NELL1: variants seen among roughly 807,000 people sequenced by gnomAD.
NELL1 encodes neural EGFL like 1.
Under a neutral mutation model 107.4 loss-of-function variants are expected in NELL1, and 76 were observed. The observed-to-expected ratio is 0.71, with a 90% CI of 0.59 to 0.86. The LOEUF (loss-of-function observed/expected upper bound fraction) is 0.86, where lower values mean the gene tolerates loss of function less well. NELL1 is among the 40% of genes least tolerant of loss of function. NELL1 has a pLI of 0.00. For missense variants in NELL1, 1,024 were observed against 1,005.5 expected (o/e 1.02, Z -0.25); for synonymous variants, 353 against 341.2 (o/e 1.03, Z -0.38).
At position 21,190,081 on chromosome 11, in the gene NELL1, G is replaced by A. The variant is rs139704475; in HGVS notation, c.1427-39251G>A. Among the ~76,000 whole-genome samples, 892 of 151,834 alleles carry A rather than the reference G, an allele frequency of 5.9e-3. 30 individuals are homozygous for A. The highest frequency in any genetic ancestry group is 0.043 in the Admixed American group (653 of 15,242). On this transcript the variant is annotated intron_variant, in intron 13 of 19. Coordinates refer to ENST00000357134, the MANE Select transcript of NELL1 (RefSeq NM_006157.5). ...TTAAGAAAAGATGCAGGCAGGGTGC[G>A]GTGGCTCATGCCTGTAATCCCAGCA...
At chr11:21,295,450 C>A (rs895776083) in intron 14 of NELL1, among the ~76,000 whole-genome samples, 4 of 151,682 alleles carry the variant, frequency 2.6e-5, no homozygotes, top group Non-Finnish European at 4.4e-5. Context: ...TAATGACAGA[C>A]AAAAAGAGAG....
At chr11:20,933,059 T>C (rs903603295) in intron 9 of NELL1, among the ~76,000 whole-genome samples, 2 of 152,132 alleles carry the variant, frequency 1.3e-5, no homozygotes, top group African/African-American at 4.8e-5. Context: ...TAAACCAGTG[T>C]TGGTTTTGGT....
At chr11:20,757,799 T>G (rs1345323971) in intron 2 of NELL1, among the ~76,000 whole-genome samples, 2 of 152,224 alleles carry the variant, frequency 1.3e-5, no homozygotes, top group East Asian at 3.9e-4. Context: ...TGTTCTCCTT[T>G]TTTTGCAATT....
chr11:21,491,744 G>T (rs1564921711), intron 15 of NELL1, among the ~76,000 whole-genome samples: 1 of 152,054 alleles, frequency 6.6e-6, no homozygotes, highest in African/African-American at 2.4e-5. Flanking sequence ...GAAAGTCATT[G>T]GTAGCTTGAT....
chr11:21,479,128 G>A (rs1854424934), intron 15 of NELL1, among the ~76,000 whole-genome samples: 1 of 152,062 alleles, frequency 6.6e-6, no homozygotes, highest in Admixed American at 6.6e-5. Flanking sequence ...AGAACAGTTT[G>A]GAAGCTCGTC....
intron 5 of NELL1, among the ~76,000 whole-genome samples, chr11:20,891,318 A>T (rs1849612529): frequency 6.6e-6 from 1 of 152,232 alleles, no homozygotes; most frequent in African/African-American, 2.4e-5. Context: ...ATGCTGAGGG[A>T]TTTTGTTACC....
At chr11:21,438,393 C>CT (rs1305917687) in intron 15 of NELL1, among the ~76,000 whole-genome samples, 1 of 152,022 alleles carries the variant, frequency 6.6e-6, no homozygotes, top group Non-Finnish European at 1.5e-5. Context: ...TTCGTTGCTA[C>CT]TTTTTTCTCT....
At chr11:21,132,829 C>G (rs939517968) in intron 13 of NELL1, among the ~76,000 whole-genome samples, 1 of 152,068 alleles carries the variant, frequency 6.6e-6, no homozygotes, top group South Asian at 2.1e-4. Context: ...ACCCTGTTTG[C>G]GTTGCTGCTC....
At chr11:20,908,457 A>T (rs1258408994) in intron 5 of NELL1, among the ~76,000 whole-genome samples, 2 of 152,192 alleles carry the variant, frequency 1.3e-5, no homozygotes, top group Non-Finnish European at 2.9e-5. Flanking sequence ...ACACAGAAGG[A>T]GAAAACCAAA....
chr11:21,358,565 A>ATTTTTT (rs75578174), intron 14 of NELL1, among the ~76,000 whole-genome samples: 6 of 97,676 alleles, frequency 6.1e-5, no homozygotes, highest in Non-Finnish European at 1.0e-4. Context: ...TGCCCTGATA[A>ATTTTTT]TTTTTTTTTT....
chr11:21,367,706 A>T (rs1035484985), intron 14 of NELL1, among the ~76,000 whole-genome samples: 1 of 151,968 alleles, frequency 6.6e-6, no homozygotes, highest in Non-Finnish European at 1.5e-5. Flanking sequence ...CCCCAGCATG[A>T]GTGTTATTAT....
chr11:20,901,561 ATTTTTT>A (rs11375119), intron 5 of NELL1, among the ~76,000 whole-genome samples: 1 of 147,276 alleles, frequency 6.8e-6, no homozygotes, highest in Admixed American at 6.8e-5. Flanking sequence ...TCCCAAGAGG[ATTTTTT>A]TTTTTTTCCT....
chr11:20,859,774 T>G (rs1050949322), intron 4 of NELL1, among the ~76,000 whole-genome samples: 33 of 147,634 alleles, frequency 2.2e-4, no homozygotes, highest in Non-Finnish European at 4.5e-4. Context: ...AGATATGTAC[T>G]AGAGCCTGCA....
At chr11:20,672,667 C>G (rs527417596) in intron 1 of NELL1, among the ~76,000 whole-genome samples, 5 of 152,152 alleles carry the variant, frequency 3.3e-5, no homozygotes. Flanking sequence ...TAATAACACA[C>G]TATCTCTATG....
intron 13 of NELL1, among the ~76,000 whole-genome samples, chr11:21,165,115 G>C (rs1005301539): frequency 2.6e-5 from 4 of 152,174 alleles, no homozygotes; most frequent in Admixed American, 2.6e-4. Flanking sequence ...AAGTTTTACA[G>C]TATTTCCCAG....
At chr11:20,769,370 C>G (rs538437850) in intron 2 of NELL1, 1 of 152,370 alleles carries the variant, frequency 6.6e-6, no homozygotes, top group East Asian at 1.9e-4. Context: ...AGGCAGAGCA[C>G]GACTGTTTGG....
At chr11:21,548,010 T>G (rs544701109) in intron 16 of NELL1, among the ~76,000 whole-genome samples, 116 of 151,982 alleles carry the variant, frequency 7.6e-4, no homozygotes, top group African/African-American at 2.6e-3. Context: ...CAACTGAAAC[T>G]GGATCATTTT....
chr11:21,320,693 A>G (rs1849989103), intron 14 of NELL1, among the ~76,000 whole-genome samples: 1 of 152,112 alleles, frequency 6.6e-6, no homozygotes, highest in African/African-American at 2.4e-5. Context: ...AAGCCCCCAC[A>G]TTTGGTTCCA....
intron 15 of NELL1, among the ~76,000 whole-genome samples, chr11:21,399,037 T>C (rs1274141082): frequency 9.4e-6 from 1 of 106,688 alleles, no homozygotes; most frequent in Non-Finnish European, 2.2e-5. Context: ...ATGTCTCTTC[T>C]GAAGAAAGAA....
Sources: allele counts gnomAD v4.1 joint callset (sites outside exome capture counted in the v4.1 genomes callset), GRCh38; gene constraint gnomAD v4.1.1; transcripts MANE v1.5; gene names NCBI Gene and HGNC (gene_info 2026-07-23, HGNC 2026-07-21).